Variants in AMZ1 observed in about 807,000 individuals in gnomAD.
AMZ1 encodes archaemetzincin-1.
In AMZ1, 39 loss-of-function variants were observed where a neutral mutation model predicts 29.9. That is an observed-to-expected ratio of 1.30 (90% CI 1.01 to 1.70). AMZ1 has a LOEUF of 1.70. Among genes scored for constraint, AMZ1 ranks in the 40% most tolerant of loss-of-function variants. The probability of loss-of-function intolerance (pLI) is 0.00; values close to 1 mark genes in which losing one functional copy is unlikely to be tolerated. For missense variants in AMZ1, 1,041 were observed against 680.6 expected, an observed-to-expected ratio of 1.53 and a Z score of -5.89; for synonymous variants, 458 against 304.0, an observed-to-expected ratio of 1.51 and a Z score of -5.27.
At chr7:2,694,598 A>G (rs1419596262) in intron 1 of AMZ1, among the ~76,000 whole-genome samples, 2 of 151,946 alleles carry the variant, frequency 1.3e-5, no homozygotes, top group Admixed American at 6.6e-5. Flanking sequence ...TCATAATCCT[A>G]TAAATATACA....
intron 4 of AMZ1, among the ~76,000 whole-genome samples, chr7:2,732,441 G>A (rs1240405448): frequency 4.6e-5 from 7 of 152,160 alleles, no homozygotes; most frequent in Non-Finnish European, 8.8e-5. Context: ...AGCTACTTGG[G>A]AGGCCGAGAC....
At chr7:2,738,714 A>C (rs1486672260) in intron 4 of AMZ1, among the ~76,000 whole-genome samples, 1 of 152,224 alleles carries the variant, frequency 6.6e-6, no homozygotes, top group Non-Finnish European at 1.5e-5. Flanking sequence ...CATAATTAAA[A>C]AAAAATTAAA....
At chr7:2,698,742 A>G (rs1787883847) in intron 1 of AMZ1, among the ~76,000 whole-genome samples, 1 of 152,142 alleles carries the variant, frequency 6.6e-6, no homozygotes, top group Non-Finnish European at 1.5e-5. Flanking sequence ...AGGCTGAAGC[A>G]GGAGGATCGC....
At chr7:2,742,084 C>A (rs1397385539) in intron 4 of AMZ1, among the ~76,000 whole-genome samples, 1 of 151,762 alleles carries the variant, frequency 6.6e-6, no homozygotes, top group Non-Finnish European at 1.5e-5. Flanking sequence ...TGCAGTGGGG[C>A]GATCTCAGCT....
intron 4 of AMZ1, chr7:2,730,887 G>A (rs550082595): frequency 8.3e-6 from 3 of 360,756 alleles, no homozygotes; most frequent in South Asian, 4.8e-5. Flanking sequence ...AAAGAGGAAC[G>A]TTTCTGTAAA....
chr7:2,706,470 A>T (rs547591866), intron 3 of AMZ1, among the ~76,000 whole-genome samples: 1 of 152,226 alleles, frequency 6.6e-6, no homozygotes, highest in Non-Finnish European at 1.5e-5. Flanking sequence ...TTCTTGTCTC[A>T]CATCGCTGGA....
chr7:2,733,095 G>A (rs779055038), intron 4 of AMZ1, among the ~76,000 whole-genome samples: 1 of 152,216 alleles, frequency 6.6e-6, no homozygotes, highest in South Asian at 2.1e-4. Flanking sequence ...GGGGAGGGCT[G>A]CTGAAACAAG....
At chr7:2,746,668 CA>C (rs1790777070) in intron 4 of AMZ1, among the ~76,000 whole-genome samples, 2 of 152,092 alleles carry the variant, frequency 1.3e-5, no homozygotes, top group South Asian at 4.1e-4. Context: ...TAACTAAGAT[CA>C]GAGCAGAACT....
At chr7:2,764,601 G>C (rs1181401395), upstream of AMZ1, 2 of 152,226 alleles carry the variant, frequency 1.3e-5, no homozygotes, top group African/African-American at 2.4e-5. Context: ...CTCTGCCATG[G>C]CTTAGGGAGC....
chr7:2,682,419 C>T (rs1169627537), intron 1 of AMZ1, among the ~76,000 whole-genome samples: 1 of 152,176 alleles, frequency 6.6e-6, no homozygotes, highest in Non-Finnish European at 1.5e-5. Context: ...TGCGAGGGTC[C>T]TTAGCTTTGC....
In AMZ1 at chr7:2,717,719, G is replaced by C. The variant is rs535919783; in HGVS notation, c.*4841G>C. ...ACAGATGCAGATCGCGGGTGGAGAC[G>C]GCCGGCCGAGCCTTCCCTTTTCTGA... On this transcript the variant is annotated 3_prime_UTR_variant, in exon 7 of 7. Coordinates refer to ENST00000683327, the MANE Select transcript of AMZ1 (RefSeq NM_001384743.1). Among the ~76,000 whole-genome samples the C allele has an allele frequency of 2.6e-5, 4 of 152,148 alleles. No homozygotes were observed. The highest frequency in any genetic ancestry group is 5.9e-5 in the Non-Finnish European group (4 of 68,032).
At chr7:2,707,964 C>G (rs1054665443) in intron 3 of AMZ1, among the ~76,000 whole-genome samples, 5 of 151,010 alleles carry the variant, frequency 3.3e-5, no homozygotes, top group African/African-American at 1.2e-4. Flanking sequence ...GTTGGGATTA[C>G]AGGCACGCAC....
intron 1 of AMZ1, among the ~76,000 whole-genome samples, chr7:2,697,449 G>A (rs1470443335): frequency 1.3e-5 from 2 of 151,460 alleles, no homozygotes; most frequent in Non-Finnish European, 2.9e-5. Context: ...TTTGAGACAG[G>A]GTCTCACTCC....
At chr7:2,684,872 C>CTTTT (rs60735391), upstream of AMZ1, among the ~76,000 whole-genome samples, 2 of 132,632 alleles carry the variant, frequency 1.5e-5, no homozygotes, top group African/African-American at 3.0e-5. Context: ...CACATAATTG[C>CTTTT]TTTTTTTTTT....
rs559789504 is a variant in AMZ1 at position 2,764,679 on chromosome 7, C to T, written n.72C>T. 3.3e-4 allele frequency: 51 copies of T among 152,316 alleles called. 2 individuals are homozygous for T. The highest frequency in any genetic ancestry group is 3.1e-3 in the Admixed American group (47 of 15,298). 9.4% of individuals were successfully genotyped at this position (152,316 alleles called of 1,614,324 possible). The stretch of plus-strand genomic sequence containing the variant: ...GAGGTGGGGTTCTGTCTGAATGCAT[C>T]TGAGTTTTGCTTTATTTCTCTGTAA... On this transcript the variant is annotated non_coding_transcript_exon_variant, in exon 1 of 2. Coordinates refer to the AMZ1 transcript ENST00000433945.
intron 4 of AMZ1, among the ~76,000 whole-genome samples, chr7:2,747,591 T>C (rs1354994471): frequency 4.6e-5 from 7 of 152,136 alleles, no homozygotes; most frequent in African/African-American, 1.4e-4. Context: ...ACTGGAAGCA[T>C]TCCCTTTGAA....
At chr7:2,745,859 G>A (rs1369534458) in intron 4 of AMZ1, among the ~76,000 whole-genome samples, 1 of 151,952 alleles carries the variant, frequency 6.6e-6, no homozygotes, top group East Asian at 1.9e-4. Context: ...AAAAACGCAG[G>A]GGTTGCAATC....
downstream of AMZ1, among the ~76,000 whole-genome samples, chr7:2,723,107 A>G (rs147490140): frequency 2.8e-4 from 43 of 152,204 alleles, no homozygotes; most frequent in East Asian, 7.5e-3. Flanking sequence ...TAGAAATTAT[A>G]TGTGACTTGA....
At chr7:2,725,777 G>A (rs1241385798) in intron 4 of AMZ1, among the ~76,000 whole-genome samples, 2 of 152,222 alleles carry the variant, frequency 1.3e-5, no homozygotes, top group Admixed American at 6.5e-5. Context: ...GAAACCTAAC[G>A]CTTTTCTGTT....
Sources: gnomAD v4.1 joint callset for allele counts (sites outside exome capture counted in the v4.1 genomes callset) on GRCh38, gnomAD v4.1.1 for gene constraint, MANE v1.5 for transcripts, NCBI Gene and HGNC (gene_info 2026-07-23, HGNC 2026-07-21) for gene names.